Variants in SPMIP2 observed in about 807,000 individuals in gnomAD.
SPMIP2 encodes protein SPMIP2.
At chr4:158,929,162 A>C in the SPMIP2 span, among the ~76,000 whole-genome samples, 1 of 152,190 alleles carries the variant, frequency 6.6e-6, no homozygotes, top group Non-Finnish European at 1.5e-5. Flanking sequence ...CTACAGGTGC[A>C]TGTCATCATG....
chr4:158,912,487 C>T, the SPMIP2 span, among the ~76,000 whole-genome samples: 1 of 152,204 alleles, frequency 6.6e-6, no homozygotes, highest in Non-Finnish European at 1.5e-5. Flanking sequence ...AAGAGACTTT[C>T]AGTGCCTGGT....
At chr4:159,039,046 A>G in the SPMIP2 span, among the ~76,000 whole-genome samples, 1 of 151,978 alleles carries the variant, frequency 6.6e-6, no homozygotes. Flanking sequence ...GGGCTCAATC[A>G]TGGCTCACTA....
chr4:158,932,850 G>A, the SPMIP2 span, among the ~76,000 whole-genome samples: 2 of 152,190 alleles, frequency 1.3e-5, no homozygotes, highest in African/African-American at 4.8e-5. Flanking sequence ...TTTCAAGGCT[G>A]CCATGGAGCT....
the SPMIP2 span, among the ~76,000 whole-genome samples, chr4:158,923,415 A>G: frequency 2.6e-5 from 4 of 152,086 alleles, no homozygotes; most frequent in Admixed American, 2.0e-4. Flanking sequence ...CTTCCTTTCA[A>G]TGATGTTTTG....
At chr4:159,018,963 G>A in the SPMIP2 span, among the ~76,000 whole-genome samples, 5 of 152,074 alleles carry the variant, frequency 3.3e-5, no homozygotes, top group South Asian at 1.0e-3. Flanking sequence ...GGTGGCGGGC[G>A]CCTGTAGTCC....
At chr4:158,941,522 G>A in the SPMIP2 span, among the ~76,000 whole-genome samples, 2 of 152,268 alleles carry the variant, frequency 1.3e-5, no homozygotes, top group South Asian at 2.1e-4. Context: ...AGCTGGCTGT[G>A]GTGGTACCTC....
the SPMIP2 span, among the ~76,000 whole-genome samples, chr4:158,990,018 C>T: frequency 1.3e-5 from 2 of 152,108 alleles, no homozygotes; most frequent in Non-Finnish European, 2.9e-5. Flanking sequence ...CTCCAAAGAA[C>T]TTAAATAAAT....
chr4:159,053,560 T>G, the SPMIP2 span, among the ~76,000 whole-genome samples: 1 of 152,122 alleles, frequency 6.6e-6, no homozygotes, highest in Non-Finnish European at 1.5e-5. Context: ...TTTGGTGCCT[T>G]CTGAAAACTC....
the SPMIP2 span, among the ~76,000 whole-genome samples, chr4:158,991,854 GTT>G: frequency 2.0e-5 from 3 of 151,984 alleles, no homozygotes; most frequent in Non-Finnish European, 2.9e-5. Flanking sequence ...GTTTAAGCCA[GTT>G]TTTTTTTAAT....
At chr4:158,973,260 TAGG>T in the SPMIP2 span, 13 of 1,613,840 alleles carry the variant, frequency 8.1e-6, no homozygotes, top group Non-Finnish European at 1.1e-5. Flanking sequence ...TTCTCCTACA[TAGG>T]AGGTGTGCTG....
chr4:158,915,074 T>G, the SPMIP2 span: 1 of 1,066,346 alleles, frequency 9.4e-7, no homozygotes, highest in South Asian at 1.7e-5. Context: ...GCTACAAAAC[T>G]GATTATTAGT....
At chr4:159,053,273 A>G in the SPMIP2 span, among the ~76,000 whole-genome samples, 2 of 152,120 alleles carry the variant, frequency 1.3e-5, no homozygotes, top group Non-Finnish European at 2.9e-5. Flanking sequence ...ATTTTTTAAA[A>G]TATGATTTGA....
the SPMIP2 span, among the ~76,000 whole-genome samples, chr4:158,946,821 A>G: frequency 3.9e-5 from 6 of 152,306 alleles, no homozygotes; most frequent in Middle Eastern, 6.8e-3. Context: ...CATCTCCCCA[A>G]TAGAAGGTAA....
chr4:159,028,566 A>G, the SPMIP2 span, among the ~76,000 whole-genome samples: 1 of 152,160 alleles, frequency 6.6e-6, no homozygotes, highest in Non-Finnish European at 1.5e-5. Flanking sequence ...CCTGGGCTCA[A>G]GCAATCCTCC....
At chr4:159,021,462 G>C in the SPMIP2 span, among the ~76,000 whole-genome samples, 1 of 152,192 alleles carries the variant, frequency 6.6e-6, no homozygotes, top group Non-Finnish European at 1.5e-5. Context: ...AGCAGCAGCT[G>C]GGAAATTGCT....
chr4:158,973,078 C>G, the SPMIP2 span: 6 of 1,537,392 alleles, frequency 3.9e-6, no homozygotes, highest in African/African-American at 1.4e-5. Context: ...AAGAGCAATA[C>G]CTTGATATGA....
chr4:159,015,433 G>T, the SPMIP2 span, among the ~76,000 whole-genome samples: 2 of 152,154 alleles, frequency 1.3e-5, no homozygotes, highest in Admixed American at 6.5e-5. Context: ...TATTTGGAAA[G>T]AATTATTTTC....
At chr4:158,944,390 A>G in the SPMIP2 span, among the ~76,000 whole-genome samples, 2 of 152,104 alleles carry the variant, frequency 1.3e-5, no homozygotes, top group Admixed American at 1.3e-4. Flanking sequence ...GGTGAACCTC[A>G]GCCCCCCAGG....
At chr4:158,976,079 C>T in the SPMIP2 span, among the ~76,000 whole-genome samples, 1 of 152,130 alleles carries the variant, frequency 6.6e-6, no homozygotes, top group Non-Finnish European at 1.5e-5. Flanking sequence ...TGGGAGTTCA[C>T]TCATGATTTG....
Sources: allele counts gnomAD v4.1 joint callset (sites outside exome capture counted in the v4.1 genomes callset), GRCh38; gene constraint gnomAD v4.1.1; transcripts MANE v1.5; gene names NCBI Gene and HGNC (gene_info 2026-07-23, HGNC 2026-07-21).